The following AP4S1 variants were observed in gnomAD, a reference collection of about 807,000 sequenced individuals.
AP4S1 encodes the protein adaptor related protein complex 4 subunit sigma 1.
Under a neutral mutation model 19.8 loss-of-function variants are expected in AP4S1, and 23 were observed. The ratio of observed to expected loss-of-function variants is 1.16; its 90% CI spans 0.84 to 1.65. The LOEUF is 1.65. AP4S1 is among the 40% of genes most tolerant of loss of function. The pLI is 0.00. For missense variants in AP4S1, 166 were observed against 172.8 expected (o/e 0.96, Z 0.22); for synonymous variants, 46 against 54.1 (o/e 0.85, Z 0.66).
At chr14:31,029,571 A>T (rs1433925490) in intron 1 of AP4S1, among the ~76,000 whole-genome samples, 2 of 152,172 alleles carry the variant, frequency 1.3e-5, no homozygotes, top group Non-Finnish European at 2.9e-5. Flanking sequence ...TAATCCCAAC[A>T]CTTTCGGAGA....
chr14:31,026,123 C>A, intron 1 of AP4S1: 1 of 1,504,984 alleles, frequency 6.6e-7, no homozygotes, highest in Non-Finnish European at 8.8e-7. Flanking sequence ...CAGGTCCCTG[C>A]TGCTGCCGGG....
At chr14:31,054,309 C>T (rs572951103) in intron 1 of AP4S1, among the ~76,000 whole-genome samples, 1 of 152,280 alleles carries the variant, frequency 6.6e-6, no homozygotes, top group African/African-American at 2.4e-5. Flanking sequence ...GCCATACTTA[C>T]ATAAATAATA....
intron 2 of AP4S1, 57 bp downstream of exon 2, chr14:31,066,391 T>G: frequency 6.2e-7 from 1 of 1,606,648 alleles, no homozygotes; most frequent in Non-Finnish European, 8.5e-7. Context: ...GGCAGATTTG[T>G]TATTAGTGAG....
chr14:31,046,874 GA>G (rs1410029957), intron 1 of AP4S1, among the ~76,000 whole-genome samples: 1 of 150,660 alleles, frequency 6.6e-6, no homozygotes, highest in African/African-American at 2.4e-5. Context: ...AGAAGAAGTA[GA>G]ATTGCTGGAT....
chr14:31,049,428 A>AATATATAT lies in AP4S1; in HGVS notation c.-71-16671_-71-16664dup, dbSNP rs1182207910. Among the ~76,000 whole-genome samples, 68 of 57,716 alleles carry AATATATAT rather than the reference A, an allele frequency of 1.2e-3. 1 individual carries two copies. The highest frequency in any genetic ancestry group is 3.2e-3 in the African/African-American group (40 of 12,634). The allele number at this position is 57,716 out of a possible 152,430, so 37.9% of individuals were successfully genotyped here. On this transcript the variant is annotated intron_variant, in intron 1 of 5. Coordinates refer to ENST00000542754, the MANE Select transcript of AP4S1 (RefSeq NM_001128126.3). The stretch of plus-strand genomic sequence containing the variant: ...GACTCGGTCTCAAAAAAAAAAAAAA[A>AATATATAT]ATATATATATATATATATATATATA...
chr14:31,076,035 C>T (rs1167780956), intron 4 of AP4S1, among the ~76,000 whole-genome samples: 3 of 152,138 alleles, frequency 2.0e-5, no homozygotes, highest in Non-Finnish European at 2.9e-5. Flanking sequence ...CACGCCTGGC[C>T]GGATATACCA....
At position 31,066,176 on chromosome 14, in the gene AP4S1, A is replaced by C; in HGVS notation, c.-21A>C. 6.2e-7 allele frequency: 1 copy of C among 1,613,218 alleles called. No homozygotes were observed. The highest frequency in any genetic ancestry group is 8.5e-7 in the Non-Finnish European group (1 of 1,179,718). On this transcript the variant is annotated 5_prime_UTR_variant, in exon 2 of 6. Coordinates refer to ENST00000542754, the MANE Select transcript of AP4S1 (RefSeq NM_001128126.3). The stretch of plus-strand genomic sequence containing the variant: ...ATAACTTTTGAACTGTATTTGGAAA[A>C]ATACTGGCCAGGAAAGAAAAATGAT...
At chr14:31,053,537 G>T (rs1312840087) in intron 1 of AP4S1, among the ~76,000 whole-genome samples, 1 of 150,960 alleles carries the variant, frequency 6.6e-6, no homozygotes, top group Admixed American at 6.6e-5. Flanking sequence ...GAAATGGGAG[G>T]TCCTTTGGAT....
intron 1 of AP4S1, among the ~76,000 whole-genome samples, chr14:31,031,573 C>T (rs1884389455): frequency 6.6e-6 from 1 of 152,204 alleles, no homozygotes; most frequent in Non-Finnish European, 1.5e-5. Flanking sequence ...GTAAAGAACA[C>T]CAATATTTCC....
chr14:31,030,359 C>T (rs1417404022), intron 1 of AP4S1, among the ~76,000 whole-genome samples: 1 of 152,132 alleles, frequency 6.6e-6, no homozygotes, highest in African/African-American at 2.4e-5. Flanking sequence ...AGTGAGTACT[C>T]AATTTTTGCT....
In AP4S1 at chr14:31,079,357, C is replaced by T. The variant is rs577213279; in HGVS notation, c.295-1216C>T. Among the ~76,000 whole-genome samples the T allele has an allele frequency of 2.6e-5, 4 of 152,058 alleles. No homozygotes were observed. In the East Asian group the frequency reaches 5.8e-4, roughly 22 times the overall value. ...GGAATGTACAACAGTAGAGTGAACC[C>T]GAATGTAAACTGTGGAATTTGGGTG... On this transcript the variant is annotated intron_variant, in intron 4 of 5. Coordinates refer to ENST00000542754, the MANE Select transcript of AP4S1 (RefSeq NM_001128126.3).
At chr14:31,035,677 TCATGG>T (rs1275587880) in intron 1 of AP4S1, among the ~76,000 whole-genome samples, 1 of 148,574 alleles carries the variant, frequency 6.7e-6, no homozygotes, top group Non-Finnish European at 1.5e-5. Flanking sequence ...ATGACCCCCC[TCATGG>T]TCATGCCATT....
chr14:31,047,947 G>A (rs941425124), intron 1 of AP4S1, among the ~76,000 whole-genome samples: 3 of 152,122 alleles, frequency 2.0e-5, no homozygotes, highest in Non-Finnish European at 2.9e-5. Context: ...AAAATGCTGC[G>A]ATTACTGGTG....
In AP4S1 at chr14:31,087,598, GTCCACC is replaced by G. The variant is rs574836888; in HGVS notation, c.307-5307_307-5302del. ...TTGATCCCCTGACCTCAAGTGATCT[GTCCACC>G]TTGGCCTCCCAAAGTGTTGGGATTA... On this transcript the variant is annotated intron_variant, in intron 5 of 5. Coordinates refer to ENST00000542754, the MANE Select transcript of AP4S1 (RefSeq NM_001128126.3). 6.0e-4 allele frequency among the ~76,000 whole-genome samples: 91 copies of G among 152,096 alleles called. 1 individual carries two copies. The highest frequency in any genetic ancestry group is 2.7e-3 in the Admixed American group (42 of 15,288).
chr14:31,080,601 C>T lies in AP4S1; in HGVS notation c.306+17C>T, dbSNP rs1423696600. The stretch of plus-strand genomic sequence containing the variant: ...GAATTAGATGTATCCTTTTTCAATA[C>T]TGTTTTCCACAGTACTTGGCAAATG... On this transcript the variant is annotated intron_variant, in intron 5 of 5. Transcript: ENST00000542754. 1.2e-6 allele frequency: 2 copies of T among 1,613,822 alleles called. No homozygotes were observed. The highest frequency in any genetic ancestry group is 1.7e-5 in the Admixed American group (1 of 60,012).
At chr14:31,025,464 C>A (rs1883777403), upstream of AP4S1, 1 of 166,000 alleles carries the variant, frequency 6.0e-6, no homozygotes, top group Admixed American at 6.1e-5. Flanking sequence ...GGGGGGTGGT[C>A]CGGAAAAGGG....
intron 1 of AP4S1, among the ~76,000 whole-genome samples, chr14:31,054,823 G>A (rs1416350938): frequency 8.2e-6 from 1 of 121,574 alleles, no homozygotes; most frequent in Non-Finnish European, 1.6e-5. Context: ...AGCCATGATT[G>A]CACCACTACA....
intron 3 of AP4S1, among the ~76,000 whole-genome samples, chr14:31,070,214 G>A (rs963293475): frequency 2.0e-5 from 3 of 152,030 alleles, no homozygotes; most frequent in African/African-American, 7.2e-5. Context: ...AGATGGTCTC[G>A]ATCTCCTGAC....
chr14:31,080,495 T>G, intron 4 of AP4S1, 78 bp from the exon 5 acceptor site: 2 of 1,252,576 alleles, frequency 1.6e-6, no homozygotes, highest in South Asian at 2.4e-5. Flanking sequence ...CGCAGAAGCC[T>G]CTTCAGTCTG....
Sources: gnomAD v4.1 joint callset for allele counts (sites outside exome capture counted in the v4.1 genomes callset) on GRCh38, gnomAD v4.1.1 for gene constraint, MANE v1.5 for transcripts, NCBI Gene and HGNC (gene_info 2026-07-23, HGNC 2026-07-21) for gene names.